GPI: variants seen among roughly 807,000 people sequenced by gnomAD.
The protein encoded by GPI is D-hexose-6-phosphate anomerase.
GPI carries 56 observed loss-of-function variants against 75.8 expected under a neutral mutation model. The observed-to-expected ratio is 0.74, with a 90% confidence interval of 0.60 to 0.92. The LOEUF is 0.92. Ranked by LOEUF, GPI falls within the 40% of genes least tolerant of loss-of-function variation. The pLI is 0.00. For missense variants in GPI, 638 were observed against 741.0 expected, an observed-to-expected ratio of 0.86 and a Z score of 1.61; for synonymous variants, 288 against 285.4, an observed-to-expected ratio of 1.01 and a Z score of -0.09.
intron 9 of GPI, among the ~76,000 whole-genome samples, chr19:34,381,895 G>A (rs2074659412): frequency 6.6e-6 from 1 of 152,220 alleles, no homozygotes; most frequent in Non-Finnish European, 1.5e-5. Context: ...GCAGGGTGAG[G>A]CATGAGGTAT....
In GPI at chr19:34,373,375, C is replaced by T. The variant is rs546965656; in HGVS notation, c.403-4128C>T. 6.1e-5 allele frequency among the ~76,000 whole-genome samples: 9 copies of T among 148,190 alleles called. No homozygotes were observed. The South Asian group carries it at 8.4e-4, about 14-fold the overall frequency. ...CTGCACTCCAGCCTGGGTGACAGAG[C>T]GAGACTCTGTCTCAAAAAAAAAAAA... On this transcript the variant is annotated intron_variant, in intron 4 of 17. Transcript: ENST00000356487.
chr19:34,364,132 T>C (rs573532616), upstream of GPI, among the ~76,000 whole-genome samples: 2 of 152,132 alleles, frequency 1.3e-5, no homozygotes, highest in Admixed American at 1.3e-4. Flanking sequence ...CAAGTGATCC[T>C]CCTGCCTTGG....
chr19:34,394,943 G>C (rs1181349670), intron 12 of GPI, among the ~76,000 whole-genome samples: 1 of 151,928 alleles, frequency 6.6e-6, no homozygotes, highest in Non-Finnish European at 1.5e-5. Flanking sequence ...CGAACTCCTG[G>C]CCTCAAGCGA....
At chr19:34,379,043 T>A in intron 7 of GPI, 38 bp downstream of exon 7, 2 of 1,569,996 alleles carry the variant, frequency 1.3e-6, no homozygotes, top group South Asian at 2.2e-5. Flanking sequence ...GGTTAGCCTC[T>A]GGGCTGGGAA....
intron 15 of GPI, 66 bp from the exon 16 acceptor site, chr19:34,399,490 G>A: frequency 2.5e-6 from 4 of 1,570,554 alleles, no homozygotes; most frequent in Non-Finnish European, 1.8e-6. Flanking sequence ...GGGGCAGGGT[G>A]TGCTTCCCTT....
chr19:34,396,166 A>G lies in GPI; in HGVS notation c.1063-135A>G. On this transcript the variant is annotated intron_variant, in intron 12 of 17. Coordinates refer to ENST00000356487, the MANE Select transcript of GPI (RefSeq NM_000175.5). ...TTAATCAGGCTGGTCTCAAACTTCCAACCTCAGGTGATCCGCCTGCCTTGG... is the reference window on the plus strand; with the variant it reads ...TTAATCAGGCTGGTCTCAAACTTCCGACCTCAGGTGATCCGCCTGCCTTGG... 5.7e-6 allele frequency: 5 copies of G among 882,302 alleles called. No homozygotes were observed. In the South Asian group the frequency reaches 6.9e-5, roughly 12 times the overall value. The allele number at this position is 882,302 out of a possible 1,614,324, so 54.7% of individuals were successfully genotyped here.
Position 34,377,893 on chromosome 19 carries a change from G to C in GPI, c.633+12G>C, listed in dbSNP as rs776199733. ...TCATTGCCTCCAAGGTATGAGTGCCGAAAACTGCCCGGCCCCTGGCCCTGT... is the reference window on the plus strand; with the variant it reads ...TCATTGCCTCCAAGGTATGAGTGCCCAAAACTGCCCGGCCCCTGGCCCTGT... On this transcript the variant is annotated intron_variant, in intron 6 of 17. Transcript: ENST00000356487. 5 of 1,613,872 alleles carry C rather than the reference G, an allele frequency of 3.1e-6. No homozygotes were observed. The African/African-American group carries it at 6.7e-5, about 22-fold the overall frequency.
chr19:34,396,656 A>G lies in GPI; in HGVS notation c.1268A>G (p.Lys423Arg), dbSNP rs1326864479. The G allele has an allele frequency of 2.1e-5, 34 of 1,613,772 alleles. No homozygotes were observed. The highest frequency in any genetic ancestry group is 2.8e-5 in the Non-Finnish European group (33 of 1,179,726). The change falls in exon 14 of 18, where the codon AAG (lysine) becomes AGG (arginine). Residue 423 changes from lysine to arginine, a missense_variant and splice_region_variant. Physicochemically the swap from Lys to Arg is conservative, Grantham distance 26. Transcript: ENST00000356487. ...QHPIRKGLHH[K>R]ILLANFLAQT... ...CCCATACGGAAGGGTCTGCATCACA[A>G]GGTAAGAGCCCCCATCTGGCCCCAT...
rs555355034 is a variant in GPI at position 34,381,683 on chromosome 19, C to T, written c.804+164C>T. The T allele has an allele frequency of 1.4e-4, 102 of 708,704 alleles. No homozygotes were observed. The South Asian group carries it at 1.5e-3, about 10-fold the overall frequency. The allele number at this position is 708,704 out of a possible 1,614,324, so 43.9% of individuals were successfully genotyped here. A position where few individuals can be genotyped will look rare whatever the true frequency, so the allele number is the denominator to read the frequency against. On this transcript the variant is annotated intron_variant, in intron 9 of 17. Coordinates refer to ENST00000356487, the MANE Select transcript of GPI (RefSeq NM_000175.5). The stretch of plus-strand genomic sequence containing the variant: ...AGAGAGGCTTGGAGGGCAAGAGCAA[C>T]CCAGGCAGGATGAGGGCTCCACTTC...
Position 34,399,702 on chromosome 19 carries a change from G to C in GPI, c.1475-17G>C. The C allele has an allele frequency of 6.2e-7, 1 of 1,614,024 alleles. No individual in the cohort carries two copies. On this transcript the variant is annotated splice_polypyrimidine_tract_variant and intron_variant, in intron 16 of 17. Coordinates refer to ENST00000356487, the MANE Select transcript of GPI (RefSeq NM_000175.5). ...GGCTTGTGGAGCCCTGATGTGCCCT[G>C]TCTGTCACTTCTGCAGCCATGTATG...
At chr19:34,381,247 G>A in intron 8 of GPI, 1 of 617,598 alleles carries the variant, frequency 1.6e-6, no homozygotes, top group East Asian at 2.8e-5. Flanking sequence ...AACGTCACTG[G>A]CGTGCTGGTC....
chr19:34,390,031 G>T (rs1251063305), intron 9 of GPI, among the ~76,000 whole-genome samples: 3 of 152,182 alleles, frequency 2.0e-5, no homozygotes, highest in Non-Finnish European at 4.4e-5. Flanking sequence ...GAGAAGATCG[G>T]TCAAGCCCAG....
Position 34,365,306 on chromosome 19 carries a change from C to T in GPI, c.40C>T (p.Gln14Ter). The T allele has an allele frequency of 6.3e-7, 1 of 1,586,514 alleles. No homozygotes were observed. The change falls in exon 1 of 18, where the codon CAG (glutamine) becomes TAG (stop). Residue 14 changes from glutamine to a stop codon, truncating the protein, a stop_gained. Transcript: ENST00000356487. LOFTEE classifies it high-confidence loss of function. ...LTRDPQFQKL[Q>*]QWYREHRSEL... The stretch of plus-strand genomic sequence containing the variant: ...CCGGGACCCCCAGTTCCAGAAGCTG[C>T]AGCAATGGTACCGCGAGCACCGCTC...
Position 34,393,331 on chromosome 19 carries a change from C to A in GPI, c.865+23C>A. The A allele has an allele frequency of 1.3e-6, 2 of 1,592,090 alleles. No homozygotes were observed. The highest frequency in any genetic ancestry group is 3.3e-4 in the Middle Eastern group (2 of 6,008). ...TGGGTGAGTGTGTTTCTGTGTCTTG[C>A]AGCCCCTGTGGGAGACAGTGTTGCA... On this transcript the variant is annotated intron_variant, in intron 10 of 17. Coordinates refer to ENST00000356487, the MANE Select transcript of GPI (RefSeq NM_000175.5). The surrounding 1 kb of genome is among the most constrained non-coding windows in gnomAD (Gnocchi z 4.4).
At position 34,393,780 on chromosome 19, in the gene GPI, TGAGGCTGGTTCTCTGCCAAGTGCTGGCCA is replaced by T. The variant is rs2145421332; in HGVS notation, c.909+15_909+43del. On this transcript the variant is annotated intron_variant, in intron 11 of 17. Coordinates refer to ENST00000356487, the MANE Select transcript of GPI (RefSeq NM_000175.5). The surrounding 1 kb of genome is among the most constrained non-coding windows in gnomAD (Gnocchi z 4.4). ...CGGGGGCTCACTGGATGGTGAGTGC[TGAGGCTGGTTCTCTGCCAAGTGCTGGCCA>T]GAGGCGCGTGTGTTGGTCCTGGTCC... is the stretch of plus-strand genomic sequence containing the variant. 1 of 1,612,592 alleles carries T rather than the reference TGAGGCTGGTTCTCTGCCAAGTGCTGGCCA, an allele frequency of 6.2e-7. No individual in the cohort carries two copies. The highest frequency in any genetic ancestry group is 1.7e-5 in the Admixed American group (1 of 60,016).
intron 7 of GPI, 131 bp downstream of exon 7, chr19:34,379,136 C>A (rs889493501): frequency 2.4e-5 from 19 of 801,860 alleles, no homozygotes; most frequent in Non-Finnish European, 3.8e-5. Context: ...CGGTGCCTGC[C>A]TTTGCTAGAT....
chr19:34,384,331 G>T (rs1443591277), intron 9 of GPI, among the ~76,000 whole-genome samples: 1 of 152,186 alleles, frequency 6.6e-6, no homozygotes, highest in Non-Finnish European at 1.5e-5. Flanking sequence ...AGCAGGCGAG[G>T]TTTCAGGGGT....
chr19:34,375,387 A>G (rs1295212668), intron 4 of GPI, among the ~76,000 whole-genome samples: 1 of 151,748 alleles, frequency 6.6e-6, no homozygotes, highest in Admixed American at 6.6e-5. Context: ...TGACCTTGTG[A>G]TCTGCCTGCC....
Position 34,388,862 on chromosome 19 carries a change from C to T in GPI, c.805-4386C>T, listed in dbSNP as rs2074778872. On this transcript the variant is annotated intron_variant, in intron 9 of 17. Transcript: ENST00000356487. ...GCTGTAATCCCTGAGCTTCGGGAGG[C>T]TGAGATGGGAGGCTGAGGCCAGGTG... Among the ~76,000 whole-genome samples, 4 of 151,976 alleles carry T rather than the reference C, an allele frequency of 2.6e-5. No individual in the cohort carries two copies. The South Asian group carries it at 8.3e-4, about 32-fold the overall frequency.
Sources: allele counts gnomAD v4.1 joint callset (sites outside exome capture counted in the v4.1 genomes callset), GRCh38; gene constraint gnomAD v4.1.1; non-coding constraint Gnocchi (gnomAD v3.1); transcripts MANE v1.5; gene names NCBI Gene and HGNC (gene_info 2026-07-23, HGNC 2026-07-21).